The following CGNL1 variants were observed in gnomAD, a reference collection of about 807,000 sequenced individuals.
CGNL1 encodes the protein cingulin like 1.
A neutral mutation model predicts 141.2 loss-of-function variants in CGNL1; 132 were observed. The ratio of observed to expected loss-of-function variants is 0.93; its 90% CI spans 0.81 to 1.08. CGNL1 has a LOEUF of 1.08. Ranked by LOEUF, CGNL1 falls within the 50% of genes least tolerant of loss-of-function variation. CGNL1 has a pLI of 0.00. For missense variants in CGNL1, 1,870 were observed against 1,588.6 expected, an observed-to-expected ratio of 1.18 and a Z score of -3.01; for synonymous variants, 690 against 622.1, an observed-to-expected ratio of 1.11 and a Z score of -1.63.
intron 8 of CGNL1, among the ~76,000 whole-genome samples, chr15:57,494,591 G>T (rs781107772): frequency 2.0e-5 from 3 of 152,148 alleles, no homozygotes; most frequent in African/African-American, 4.8e-5. Flanking sequence ...TTTGGGAATC[G>T]GCCCAATCCC....
At chr15:57,413,565 C>T (rs1480426535) in intron 1 of CGNL1, among the ~76,000 whole-genome samples, 1 of 152,182 alleles carries the variant, frequency 6.6e-6, no homozygotes, top group East Asian at 1.9e-4. Flanking sequence ...GGATTATAGG[C>T]ATGAGCCACC....
At chr15:57,433,416 G>T (rs2063068208) in intron 1 of CGNL1, among the ~76,000 whole-genome samples, 2 of 152,186 alleles carry the variant, frequency 1.3e-5, no homozygotes, top group African/African-American at 4.8e-5. Context: ...CCTGCAAGAG[G>T]CAAAAAATGG....
chr15:57,490,079 T>C (rs992273600), intron 8 of CGNL1, among the ~76,000 whole-genome samples: 9 of 152,102 alleles, frequency 5.9e-5, no homozygotes, highest in African/African-American at 1.9e-4. Flanking sequence ...TACTGTAGAC[T>C]GGACTTTTAC....
intron 1 of CGNL1, among the ~76,000 whole-genome samples, chr15:57,434,413 A>G (rs1044842777): frequency 1.7e-4 from 26 of 152,216 alleles, no homozygotes; most frequent in Admixed American, 6.5e-5. Context: ...AGATGCAGAA[A>G]CCAAGAACAA....
At chr15:57,403,290 C>T (rs1440303044) in intron 1 of CGNL1, among the ~76,000 whole-genome samples, 2 of 152,124 alleles carry the variant, frequency 1.3e-5, no homozygotes, top group Admixed American at 6.5e-5. Flanking sequence ...GCTGGTTTCC[C>T]GGAAGCATCT....
chr15:57,440,121 A>AAAG (rs1197319713), intron 2 of CGNL1, among the ~76,000 whole-genome samples: 11 of 151,824 alleles, frequency 7.2e-5, no homozygotes, highest in Admixed American at 7.2e-4. Flanking sequence ...AAAAAAAAAA[A>AAAG]AAAGTAGCTA....
intron 17 of CGNL1, 105 bp from the exon 18 acceptor site, chr15:57,545,971 C>A: frequency 7.7e-7 from 1 of 1,302,868 alleles, no homozygotes; most frequent in Non-Finnish European, 1.1e-6. Flanking sequence ...TGCCCCATTG[C>A]CCATGTCTTG....
In CGNL1 at chr15:57,546,222, C is replaced by A; in HGVS notation, c.3756C>A (p.Ser1252=). Residue 1252 remains serine, a synonymous_variant, in exon 18 of 19, where the codon TCC becomes TCA. Transcript: ENST00000281282. Reference sequence around the variant, plus strand: ...AGCATCTGCAGGGGCAGCTCAACTCCATGAAGAAGGACTTAAGGTGGGCAG... The same window carrying A: ...AGCATCTGCAGGGGCAGCTCAACTCAATGAAGAAGGACTTAAGGTGGGCAG... ...MNEHLQGQLN[S]MKKDLRLKKL... is the part of the protein sequence containing the mutation. The A allele has an allele frequency of 1.3e-6, 2 of 1,588,372 alleles. No individual in the cohort carries two copies. The highest frequency in any genetic ancestry group is 1.7e-6 in the Non-Finnish European group (2 of 1,167,280).
intron 1 of CGNL1, among the ~76,000 whole-genome samples, chr15:57,400,200 A>G (rs1015489370): frequency 3.9e-5 from 6 of 151,998 alleles, no homozygotes; most frequent in Admixed American, 1.3e-4. Flanking sequence ...GGGTCTTGCT[A>G]TGTTGGCCAG....
chr15:57,392,019 CA>C (rs1190723067), intron 1 of CGNL1, among the ~76,000 whole-genome samples: 2 of 148,912 alleles, frequency 1.3e-5, no homozygotes, highest in African/African-American at 5.0e-5. Context: ...TTAATTTTTT[CA>C]GCACCATAAG....
intron 1 of CGNL1, among the ~76,000 whole-genome samples, chr15:57,423,587 C>T (rs551448192): frequency 2.9e-4 from 44 of 152,180 alleles, no homozygotes; most frequent in African/African-American, 8.9e-4. Flanking sequence ...ATCTGCATCC[C>T]GTCTTGTGCA....
At chr15:57,513,496 A>T (rs1196389260) in intron 8 of CGNL1, among the ~76,000 whole-genome samples, 1 of 152,078 alleles carries the variant, frequency 6.6e-6, no homozygotes, top group Non-Finnish European at 1.5e-5. Context: ...ATAAACATTC[A>T]TGTACAAGTT....
intron 10 of CGNL1, among the ~76,000 whole-genome samples, chr15:57,521,335 C>T (rs1164697070): frequency 6.6e-6 from 1 of 152,068 alleles, no homozygotes; most frequent in Non-Finnish European, 1.5e-5. Flanking sequence ...TGATTATGGG[C>T]CCCATGCTAA....
Position 57,518,497 on chromosome 15 carries a change from G to A in CGNL1, c.2715G>A (p.Gln905=). ...TGGAGAATGAACTGGAGGCTGCTCA[G>A]GTAAACACCAAGGGCTGTTGTCATT... ...RALENELEAA[Q]GNLSQTTQEQ... The change falls in exon 10 of 19, where the codon CAG becomes CAA. Residue 905 remains glutamine, a splice_region_variant and synonymous_variant. Transcript: ENST00000281282. The A allele has an allele frequency of 1.2e-6, 2 of 1,601,392 alleles. No individual in the cohort carries two copies. The highest frequency in any genetic ancestry group is 2.2e-5 in the South Asian group (2 of 89,510).
chr15:57,517,425 A>T (rs1595788106), intron 9 of CGNL1, among the ~76,000 whole-genome samples: 1 of 152,180 alleles, frequency 6.6e-6, no homozygotes, highest in Non-Finnish European at 1.5e-5. Context: ...TAGCAGTGGG[A>T]AGCTGTGACT....
chr15:57,546,424 C>T (rs1384931824), intron 18 of CGNL1, among the ~76,000 whole-genome samples, 185 bp downstream of exon 18: 3 of 152,126 alleles, frequency 2.0e-5, no homozygotes, highest in Non-Finnish European at 4.4e-5. Flanking sequence ...GCAGTAGGGT[C>T]TCATGCATGT....
chr15:57,440,505 T>C, intron 3 of CGNL1, 34 bp downstream of exon 3: 1 of 1,460,542 alleles, frequency 6.8e-7, no homozygotes, highest in Non-Finnish European at 9.4e-7. Context: ...AGCAAAGTAT[T>C]GTTGTTTCTG....
intron 8 of CGNL1, among the ~76,000 whole-genome samples, chr15:57,497,873 T>C (rs1186606545): frequency 2.0e-5 from 3 of 152,232 alleles, no homozygotes; most frequent in Admixed American, 2.0e-4. Context: ...TTTCTCACAT[T>C]AGTGGGCACT....
intron 1 of CGNL1, among the ~76,000 whole-genome samples, chr15:57,381,759 C>G (rs1306780906): frequency 6.6e-6 from 1 of 152,022 alleles, no homozygotes; most frequent in African/African-American, 2.4e-5. Flanking sequence ...TTTTCCTCTA[C>G]CTCGTGTAAA....
Sources: allele counts gnomAD v4.1 joint callset (sites outside exome capture counted in the v4.1 genomes callset), GRCh38; gene constraint gnomAD v4.1.1; transcripts MANE v1.5; gene names NCBI Gene and HGNC (gene_info 2026-07-23, HGNC 2026-07-21).